CPVL: variants seen among roughly 807,000 people sequenced by gnomAD.
CPVL encodes probable serine carboxypeptidase CPVL.
CPVL carries 51 observed loss-of-function variants against 63.7 expected under a neutral mutation model. The observed-to-expected ratio is 0.80, with a 90% CI of 0.64 to 1.01. The LOEUF (loss-of-function observed/expected upper bound fraction) is 1.01. CPVL is among the 50% of genes least tolerant of loss of function. The pLI, the probability that CPVL is intolerant of heterozygous loss-of-function variation, is 0.00. For synonymous variants in CPVL, 195 were observed against 206.0 expected (o/e 0.95, Z 0.46); for missense variants, 530 against 573.1 (o/e 0.92, Z 0.77).
chr7:29,090,399 C>G (rs1436012265), intron 6 of CPVL, among the ~76,000 whole-genome samples: 1 of 152,214 alleles, frequency 6.6e-6, no homozygotes, highest in Non-Finnish European at 1.5e-5. Context: ...ATATAGGAAG[C>G]CTGCTTCCTA....
chr7:29,096,539 G>C (rs1339341177), intron 3 of CPVL: 4 of 363,972 alleles, frequency 1.1e-5, no homozygotes, highest in Non-Finnish European at 2.0e-5. Flanking sequence ...CCTGGGGCAT[G>C]GTTATATATT....
At chr7:28,997,211 T>C (rs538031558) in intron 12 of CPVL, among the ~76,000 whole-genome samples, 1 of 152,322 alleles carries the variant, frequency 6.6e-6, no homozygotes, top group African/African-American at 2.4e-5. Context: ...AGATGTCTCG[T>C]TCCATATGTG....
At position 29,089,932 on chromosome 7, in the gene CPVL, G is replaced by A. The variant is rs1052113083; in HGVS notation, c.542+2691C>T. On this transcript the variant is annotated intron_variant, in intron 6 of 12. Transcript: ENST00000265394. Reference sequence around the variant, plus strand: ...GGCTGCAGTGCAGTGGTGTGATCTCGGCTCACCACAACCTCTGCCTCCCAG... The same window carrying A: ...GGCTGCAGTGCAGTGGTGTGATCTCAGCTCACCACAACCTCTGCCTCCCAG... Among the ~76,000 whole-genome samples, 12 of 150,322 alleles carry A rather than the reference G, an allele frequency of 8.0e-5. 1 individual carries two copies. Among genetic ancestry groups the A allele is most frequent in the Non-Finnish European group, 1.5e-4 (10 of 67,664 alleles).
chr7:29,007,687 C>A (rs1225313852), intron 12 of CPVL, among the ~76,000 whole-genome samples: 1 of 152,108 alleles, frequency 6.6e-6, no homozygotes, highest in Non-Finnish European at 1.5e-5. Context: ...TCTGTTTCCT[C>A]CAAGACACTT....
In CPVL at chr7:29,190,288, C is replaced by G. The variant is rs193035241; in HGVS notation, c.-447-3741G>C. 1.4e-3 allele frequency among the ~76,000 whole-genome samples: 206 copies of G among 152,282 alleles called. 1 individual carries two copies. Among genetic ancestry groups the G allele is most frequent in the African/African-American group, 4.5e-3 (188 of 41,552 alleles). ...AGTACTTGCCATAAAATATTTAAAG[C>G]TAGTTGACGAATAGCCCTGCTATTC... On this transcript the variant is annotated intron_variant, in intron 1 of 16. Transcript: ENST00000409850.
intron 4 of CPVL, among the ~76,000 whole-genome samples, chr7:29,182,180 GAACTTCTATTAT>G (rs1355709861): frequency 6.6e-6 from 1 of 152,136 alleles, no homozygotes; most frequent in African/African-American, 2.4e-5. Flanking sequence ...CAAATGAACT[GAACTTCTATTAT>G]AAGATGGTGA....
At chr7:29,052,343 C>A (rs1210438235) in intron 11 of CPVL, among the ~76,000 whole-genome samples, 2 of 149,128 alleles carry the variant, frequency 1.3e-5, no homozygotes, top group Admixed American at 6.7e-5. Flanking sequence ...TTCACACACC[C>A]AAATTGTGAA....
intron 11 of CPVL, among the ~76,000 whole-genome samples, chr7:29,040,288 T>C (rs897969895): frequency 6.6e-6 from 1 of 152,226 alleles, no homozygotes; most frequent in Non-Finnish European, 1.5e-5. Context: ...AATTTCACTA[T>C]TATCCAGCTC....
chr7:29,096,852 G>A (rs1786459403), intron 3 of CPVL, among the ~76,000 whole-genome samples: 1 of 152,070 alleles, frequency 6.6e-6, no homozygotes, highest in African/African-American at 2.4e-5. Flanking sequence ...AGGCGTGGTG[G>A]CACATGCCTG....
chr7:29,138,762 C>T (rs1237505308), intron 1 of CPVL, among the ~76,000 whole-genome samples: 3 of 152,306 alleles, frequency 2.0e-5, no homozygotes, highest in East Asian at 3.9e-4. Flanking sequence ...CCAATGATAG[C>T]GCTTTGTCCC....
intron 1 of CPVL, among the ~76,000 whole-genome samples, chr7:29,141,306 A>G (rs1323039089): frequency 6.6e-6 from 1 of 152,074 alleles, no homozygotes; most frequent in East Asian, 1.9e-4. Flanking sequence ...AATCCCAACA[A>G]TTTGGGAGGC....
intron 12 of CPVL, among the ~76,000 whole-genome samples, chr7:29,024,571 C>G (rs1338952550): frequency 6.6e-6 from 1 of 152,072 alleles, no homozygotes; most frequent in Non-Finnish European, 1.5e-5. Context: ...AAGTCAAAGA[C>G]AAAGAAAGAA....
intron 7 of CPVL, chr7:29,080,177 T>C (rs922885659): frequency 6.6e-6 from 1 of 152,084 alleles, no homozygotes; most frequent in Non-Finnish European, 1.5e-5. Context: ...CTGGGTGATG[T>C]AATAATATGT....
chr7:29,022,928 CA>C (rs1163029965), intron 12 of CPVL, among the ~76,000 whole-genome samples: 1 of 152,250 alleles, frequency 6.6e-6, no homozygotes, highest in Non-Finnish European at 1.5e-5. Flanking sequence ...GGAGCCCATG[CA>C]TTCCTTCCAG....
intron 5 of CPVL, among the ~76,000 whole-genome samples, chr7:29,163,129 C>A (rs1795415831): frequency 6.6e-6 from 1 of 151,668 alleles, no homozygotes; most frequent in Non-Finnish European, 1.5e-5. Flanking sequence ...GTAATTATTT[C>A]AAAATTAAAA....
chr7:29,150,434 A>G (rs1159418135), upstream of CPVL, among the ~76,000 whole-genome samples: 2 of 152,152 alleles, frequency 1.3e-5, no homozygotes, highest in African/African-American at 2.4e-5. Context: ...GTTCTTTCCA[A>G]CTGTCTATCC....
At chr7:29,032,574 C>A in intron 11 of CPVL, among the ~76,000 whole-genome samples, 1 of 152,160 alleles carries the variant, frequency 6.6e-6, no homozygotes, top group Non-Finnish European at 1.5e-5. Context: ...TGATTAGTAC[C>A]AGTGAACAAG....
intron 3 of CPVL, among the ~76,000 whole-genome samples, chr7:29,111,748 G>C (rs1261783266): frequency 3.9e-5 from 6 of 152,166 alleles, no homozygotes; most frequent in Admixed American, 3.3e-4. Context: ...ATAGTACCAG[G>C]AGAAACAACG....
chr7:29,162,967 A>T (rs1795391591), intron 5 of CPVL, among the ~76,000 whole-genome samples: 1 of 152,238 alleles, frequency 6.6e-6, no homozygotes. Context: ...ACATTTGAAT[A>T]CATATAAATA....
Sources: gnomAD v4.1 joint callset for allele counts (sites outside exome capture counted in the v4.1 genomes callset) on GRCh38, gnomAD v4.1.1 for gene constraint, MANE v1.5 for transcripts, NCBI Gene and HGNC (gene_info 2026-07-23, HGNC 2026-07-21) for gene names.